LUZP1: variants seen among roughly 807,000 people sequenced by gnomAD.
The protein encoded by LUZP1 is filamin mechanobinding actin cross-linking protein.
In LUZP1, 25 loss-of-function variants were observed where a neutral mutation model predicts 71.3. That is an observed-to-expected ratio of 0.35 (90% confidence interval 0.26 to 0.49). The LOEUF is 0.49. Among genes scored for constraint, LUZP1 ranks in the 20% least tolerant of loss-of-function variants. The pLI, the probability that LUZP1 is intolerant of heterozygous loss-of-function variation, is 0.99. For missense variants in LUZP1, 1,142 were observed against 1,300.8 expected, an observed-to-expected ratio of 0.88 and a Z score of 1.88; for synonymous variants, 481 against 506.4, an observed-to-expected ratio of 0.95 and a Z score of 0.67.
At position 23,124,063 on chromosome 1, in the gene LUZP1, GA is replaced by G. The variant is rs533475238; in HGVS notation, c.-225-14937del. Among the ~76,000 whole-genome samples the G allele has an allele frequency of 1.6e-3, 235 of 150,632 alleles. 1 individual carries two copies. Among genetic ancestry groups the G allele is most frequent in the Admixed American group, 2.8e-3 (42 of 15,078 alleles). ...CTACACTCTCAGAAAAATTCCTCCTGAAAAAAAAAATTTTTGCCCTAAGACC... is the reference window on the plus strand; with the variant it reads ...CTACACTCTCAGAAAAATTCCTCCTGAAAAAAAAATTTTTGCCCTAAGACC... On this transcript the variant is annotated intron_variant, in intron 2 of 4. Transcript: ENST00000302291.
At chr1:23,167,956 G>A (rs554927919) in intron 2 of LUZP1, among the ~76,000 whole-genome samples, 2 of 151,622 alleles carry the variant, frequency 1.3e-5, no homozygotes, top group Middle Eastern at 3.4e-3. Flanking sequence ...CGGCGGGCGG[G>A]GGGAGGCCCC....
intron 2 of LUZP1, among the ~76,000 whole-genome samples, chr1:23,118,662 G>A (rs1289643954): frequency 6.6e-6 from 1 of 152,112 alleles, no homozygotes; most frequent in East Asian, 1.9e-4. Context: ...TAGGTGTTAG[G>A]TTTTACTTTA....
intron 2 of LUZP1, among the ~76,000 whole-genome samples, chr1:23,123,111 GC>G (rs1644143038): frequency 6.6e-6 from 1 of 152,182 alleles, no homozygotes; most frequent in Non-Finnish European, 1.5e-5. Context: ...CTAGTATAGA[GC>G]TAGACTATAC....
At chr1:23,165,521 A>C (rs1644503005) in intron 2 of LUZP1, among the ~76,000 whole-genome samples, 1 of 152,142 alleles carries the variant, frequency 6.6e-6, no homozygotes, top group South Asian at 2.1e-4. Flanking sequence ...TAAATAAAAA[A>C]AAAAGTTAGC....
At chr1:23,127,326 A>G (rs1347318985) in intron 2 of LUZP1, among the ~76,000 whole-genome samples, 1 of 152,190 alleles carries the variant, frequency 6.6e-6, no homozygotes, top group Non-Finnish European at 1.5e-5. Context: ...CTGACTTTAA[A>G]TTCTTGGTTT....
chr1:23,117,207 G>A (rs1313240651), intron 2 of LUZP1, among the ~76,000 whole-genome samples: 2 of 152,070 alleles, frequency 1.3e-5, no homozygotes, highest in Non-Finnish European at 2.9e-5. Flanking sequence ...AACCACACAT[G>A]GGATTGAAAG....
chr1:23,107,273 T>G (rs550071405), intron 3 of LUZP1, among the ~76,000 whole-genome samples: 10 of 152,332 alleles, frequency 6.6e-5, no homozygotes, highest in African/African-American at 2.2e-4. Context: ...TTTGTCTTCT[T>G]AGCATGTACT....
chr1:23,166,997 AAAATTCTTCTAGGAGT>A (rs1306497828), intron 2 of LUZP1, among the ~76,000 whole-genome samples: 10 of 152,206 alleles, frequency 6.6e-5, no homozygotes, highest in South Asian at 4.1e-4. Flanking sequence ...AGAAACCTGG[AAAATTCTTCTAGGAGT>A]AAATTCTTCT....
rs756914509 is a variant in LUZP1 at position 23,093,154 on chromosome 1, T to C, written c.1108A>G (p.Arg370Gly). 6.2e-7 allele frequency: 1 copy of C among 1,614,190 alleles called. No individual in the cohort carries two copies. Among genetic ancestry groups the C allele is most frequent in the Non-Finnish European group, 8.5e-7 (1 of 1,180,028 alleles). ...CCTCTAAACTTAGTCCTCTCATGTC[T>C]GCCTTTGCTGGACAGGAAAGCATCT... is the stretch of plus-strand genomic sequence containing the variant. The change falls in exon 4 of 5, where the codon AGA becomes GGA. Residue 370 changes from arginine to glycine, a missense_variant. Physicochemically the swap from Arg to Gly is moderately radical, Grantham distance 125. Transcript: ENST00000302291. The surrounding 1 kb of genome is among the most constrained non-coding windows in gnomAD (Gnocchi z 4.2).
At chr1:23,097,717 C>T (rs558928726) in intron 3 of LUZP1, among the ~76,000 whole-genome samples, 2 of 152,244 alleles carry the variant, frequency 1.3e-5, no homozygotes, top group Non-Finnish European at 2.9e-5. Context: ...TGGCATACAC[C>T]TGTAGTCCCA....
intron 1 of LUZP1, among the ~76,000 whole-genome samples, chr1:23,170,462 CT>C (rs200073505): frequency 0.024 from 3,067 of 127,292 alleles, 38 homozygotes; most frequent in African/African-American, 0.074. Context: ...CTTTTTCTTT[CT>C]TTTTTTTTTT....
intron 2 of LUZP1, among the ~76,000 whole-genome samples, chr1:23,121,076 C>T (rs1298690443): frequency 1.3e-5 from 2 of 152,120 alleles, no homozygotes; most frequent in Non-Finnish European, 2.9e-5. Flanking sequence ...CCCAAGATTA[C>T]AAACAACCAC....
At chr1:23,104,874 G>A (rs1643967848) in intron 3 of LUZP1, among the ~76,000 whole-genome samples, 2 of 152,196 alleles carry the variant, frequency 1.3e-5, no homozygotes, top group Non-Finnish European at 2.9e-5. Context: ...TCAGGCCAAT[G>A]ATTTAAATGA....
chr1:23,139,019 A>AATATATATAT lies in LUZP1; in HGVS notation c.-226+29737_-226+29746dup, dbSNP rs1225155907. On this transcript the variant is annotated intron_variant, in intron 2 of 4. Transcript: ENST00000302291. ...TCTCAAAAAAAAAAAAAAAAAAAAA[A>AATATATATAT]ATATATATATATATATATATATATA... Among the ~76,000 whole-genome samples the AATATATATAT allele has an allele frequency of 3.6e-3, 218 of 59,940 alleles. 7 individuals are homozygous for AATATATATAT. The highest frequency in any genetic ancestry group is 0.024 in the Admixed American group (89 of 3,644). The allele number at this position is 59,940 out of a possible 152,430, so 39.3% of individuals were successfully genotyped here. A position where few individuals can be genotyped will look rare whatever the true frequency, so the allele number is the denominator to read the frequency against.
chr1:23,132,161 C>G (rs914248194), intron 2 of LUZP1, among the ~76,000 whole-genome samples: 1 of 152,092 alleles, frequency 6.6e-6, no homozygotes. Context: ...TTTCTGACAC[C>G]CCCTCCAGTT....
chr1:23,086,088 G>C (rs1278945956), exon 5 of LUZP1: 1 of 152,158 alleles, frequency 6.6e-6, no homozygotes, highest in African/African-American at 2.4e-5. Flanking sequence ...CAACTACCAG[G>C]TCTCCCCTCT....
rs1240148041 is a variant in LUZP1 at position 23,091,516 on chromosome 1, T to C, written c.2746A>G (p.Arg916Gly). The change falls in exon 4 of 5, where the codon AGA (arginine) becomes GGA (glycine). Residue 916 changes from arginine to glycine, a missense_variant. Physicochemically the swap from Arg to Gly is moderately radical, Grantham distance 125. Transcript: ENST00000302291. ...CAGGCATTCCGCACAGTAACATGTC[T>C]GGCATCTGAGAAGCCCACTTCTGAA... 3.1e-6 allele frequency: 5 copies of C among 1,614,230 alleles called. No individual in the cohort carries two copies. The Admixed American group carries it at 8.3e-5, about 27-fold the overall frequency.
exon 1 of LUZP1, chr1:23,177,668 A>T (rs973059864): frequency 2.0e-5 from 3 of 152,228 alleles, no homozygotes; most frequent in African/African-American, 7.2e-5. Context: ...GCGGCACTTC[A>T]TGAAATACTC....
intron 2 of LUZP1, among the ~76,000 whole-genome samples, chr1:23,135,515 G>GA (rs538462653): frequency 6.6e-6 from 1 of 152,136 alleles, no homozygotes; most frequent in East Asian, 1.9e-4. Context: ...TGAAGATTCA[G>GA]AAAAACCACA....
Sources: allele counts gnomAD v4.1 joint callset (sites outside exome capture counted in the v4.1 genomes callset), GRCh38; gene constraint gnomAD v4.1.1; non-coding constraint Gnocchi (gnomAD v3.1); transcripts MANE v1.5; gene names NCBI Gene and HGNC (gene_info 2026-07-23, HGNC 2026-07-21).